The following LRRC66 variants were observed in gnomAD, a reference collection of about 807,000 sequenced individuals.
LRRC66 encodes leucine rich repeat containing 66.
LRRC66 carries 29 observed loss-of-function variants against 24.6 expected under a neutral mutation model. That is an observed-to-expected ratio of 1.18 (90% CI 0.88 to 1.61). The LOEUF is 1.61. LRRC66 is among the 40% of genes most tolerant of loss of function. The pLI, the probability that LRRC66 is intolerant of heterozygous loss-of-function variation, is 0.00. For synonymous variants in LRRC66, 411 were observed against 397.6 expected (o/e 1.03, Z -0.40); for missense variants, 1,124 against 1,058.0 (o/e 1.06, Z -0.87).
rs573555700 is a variant in LRRC66 at position 51,994,045 on chromosome 4, G to A, written c.*334C>T. ...ATTTACCCCAACCTATTGATGAAGT[G>A]CTCCTGTGTTCTCAGTGAACTGGTT... On this transcript the variant is annotated 3_prime_UTR_variant, in exon 5 of 5. Transcript: ENST00000682860. 4 of 219,882 alleles carry A rather than the reference G, an allele frequency of 1.8e-5. No individual in the cohort carries two copies. In the South Asian group the frequency reaches 4.5e-4, roughly 25 times the overall value. 13.6% of individuals were successfully genotyped at this position (219,882 alleles called of 1,614,324 possible). A position where few individuals can be genotyped will look rare whatever the true frequency, so the allele number is the denominator to read the frequency against.
rs757547718 is a variant in LRRC66, at chr4:51,994,357, A to C, written c.*22T>G. On this transcript the variant is annotated 3_prime_UTR_variant, in exon 5 of 5. Transcript: ENST00000682860. ...AAAAGAATATTGTTTAGAGCTGTGA[A>C]TATTTCCTTAATGAAAGATTCTTAT... The C allele has an allele frequency of 6.3e-6, 10 of 1,582,646 alleles. No homozygotes were observed. Among genetic ancestry groups the C allele is most frequent in the Non-Finnish European group, 8.6e-6 (10 of 1,162,806 alleles).
intron 2 of LRRC66, among the ~76,000 whole-genome samples, chr4:52,009,762 T>C (rs77074000): frequency 0.035 from 5,278 of 152,208 alleles, 316 homozygotes; most frequent in African/African-American, 0.12. Context: ...ATGAAACATT[T>C]ATGGAAGAAA....
At chr4:52,015,708 T>C (rs976987289) in intron 2 of LRRC66, among the ~76,000 whole-genome samples, 5 of 152,218 alleles carry the variant, frequency 3.3e-5, no homozygotes, top group Non-Finnish European at 4.4e-5. Context: ...TATGGATATA[T>C]GTAGCTATAA....
intron 4 of LRRC66, among the ~76,000 whole-genome samples, chr4:51,996,495 G>A (rs909925151): frequency 5.3e-5 from 8 of 151,986 alleles, no homozygotes; most frequent in Non-Finnish European, 8.8e-5. Context: ...GGCATCAAGC[G>A]ATTCTCCTCC....
In LRRC66 at chr4:51,997,813, A is replaced by G. The variant is rs752439393; in HGVS notation, c.791T>C (p.Val264Ala). Residue 264 changes from valine (V) to alanine (A), a missense_variant, in exon 4 of 5, where the codon GTC becomes GCC. Physicochemically the swap from Val to Ala is moderately conservative, Grantham distance 64. Coordinates refer to ENST00000682860, the MANE Select transcript of LRRC66 (RefSeq NM_001024611.3). ...NNWQCDDSVAVFQNFISESWR... is the reference protein window; with the variant it reads ...NNWQCDDSVAAFQNFISESWR... ...GGATTCAGAAATAAAATTTTGAAAG[A>G]CTGCCACACTATCATCACACTGCCA... 1.8e-5 allele frequency: 29 copies of G among 1,614,002 alleles called. No individual in the cohort carries two copies. Among genetic ancestry groups the G allele is most frequent in the Non-Finnish European group, 2.3e-5 (27 of 1,179,996 alleles).
rs1431212595 is a variant in LRRC66 at position 51,995,433 on chromosome 4, C to T, written c.1589G>A (p.Arg530Lys). 2 of 1,614,154 alleles carry T rather than the reference C, an allele frequency of 1.2e-6. No individual in the cohort carries two copies. The highest frequency in any genetic ancestry group is 1.7e-6 in the Non-Finnish European group (2 of 1,180,040). Residue 530 changes from arginine (R) to lysine (K), a missense_variant, in exon 5 of 5, where the codon AGG becomes AAG. Physicochemically the swap from Arg to Lys is conservative, Grantham distance 26. Transcript: ENST00000682860. ...AGTCCATTCTCCGAGAATATCATTC[C>T]TATGGATGTGGTCCTGCGCTGCTGA... ...LMSAAQDHIH[R>K]NDILGEWTYE...
intron 1 of LRRC66, chr4:52,018,001 AT>A (rs1316777742): frequency 1.0e-6 from 1 of 985,334 alleles, no homozygotes; most frequent in Non-Finnish European, 1.2e-6. Context: ...AGCAAAGTCT[AT>A]TATGCTTATC....
chr4:52,003,884 A>T (rs570768960), intron 2 of LRRC66, among the ~76,000 whole-genome samples: 1 of 152,270 alleles, frequency 6.6e-6, no homozygotes, highest in African/African-American at 2.4e-5. Flanking sequence ...AGACGTGATA[A>T]ATATTTATTT....
At chr4:52,007,272 AG>A (rs1230133090) in intron 2 of LRRC66, among the ~76,000 whole-genome samples, 1 of 152,172 alleles carries the variant, frequency 6.6e-6, no homozygotes, top group Admixed American at 6.5e-5. Flanking sequence ...TCGAACTCCT[AG>A]GCTCAAGCGA....
chr4:51,999,290 AT>A (rs1736396193), intron 3 of LRRC66, among the ~76,000 whole-genome samples: 2 of 152,362 alleles, frequency 1.3e-5, no homozygotes, highest in South Asian at 4.1e-4. Flanking sequence ...AAAAATCAGC[AT>A]TTACATTTTG....
At chr4:52,017,701 TAA>T in intron 1 of LRRC66, 83 bp from the exon 2 acceptor site, 1 of 1,401,908 alleles carries the variant, frequency 7.1e-7, no homozygotes, top group Non-Finnish European at 9.2e-7. Flanking sequence ...ATTTTCAATT[TAA>T]GATTTCGGAA....
intron 1 of LRRC66, chr4:52,018,112 C>T (rs1736861469): frequency 2.0e-6 from 2 of 985,284 alleles, no homozygotes; most frequent in South Asian, 4.7e-5. Flanking sequence ...GTTTAACTCA[C>T]AAAAGAGGCT....
In LRRC66 at chr4:52,008,989, A is replaced by C. The variant is rs569610252; in HGVS notation, c.497-5597T>G. 2.0e-5 allele frequency among the ~76,000 whole-genome samples: 3 copies of C among 152,276 alleles called. No homozygotes were observed. The South Asian group carries it at 6.2e-4, about 32-fold the overall frequency. On this transcript the variant is annotated intron_variant, in intron 2 of 4. Coordinates refer to ENST00000682860, the MANE Select transcript of LRRC66 (RefSeq NM_001024611.3). ...CACAAAGGACAGAAGAGGGGAAAAA[A>C]TGGGAGAACACCATTGTAAGGTTCT...
intron 3 of LRRC66, among the ~76,000 whole-genome samples, chr4:52,001,849 C>A (rs1736454428): frequency 6.6e-6 from 1 of 152,170 alleles, no homozygotes. Context: ...TAGCACTTTG[C>A]AGAACACTGG....
intron 1 of LRRC66, among the ~76,000 whole-genome samples, chr4:52,019,104 A>T (rs1487804084): frequency 6.6e-6 from 1 of 152,012 alleles, no homozygotes; most frequent in African/African-American, 2.4e-5. Flanking sequence ...CGAACTCCTG[A>T]CCTCAGGTGA....
intron 3 of LRRC66, among the ~76,000 whole-genome samples, chr4:52,002,890 G>C (rs1736488372): frequency 6.6e-6 from 1 of 152,184 alleles, no homozygotes; most frequent in Non-Finnish European, 1.5e-5. Flanking sequence ...TTGTAGCTTA[G>C]GGAGACAGCC....
chr4:51,998,735 G>A (rs930121879), intron 3 of LRRC66, among the ~76,000 whole-genome samples: 2 of 152,218 alleles, frequency 1.3e-5, no homozygotes, highest in African/African-American at 4.8e-5. Flanking sequence ...GACACGACAG[G>A]AGCATGACAT....
rs1173617153 is a variant in LRRC66, at chr4:51,994,354, T to G, written c.*25A>C. On this transcript the variant is annotated 3_prime_UTR_variant, in exon 5 of 5. Coordinates refer to ENST00000682860, the MANE Select transcript of LRRC66 (RefSeq NM_001024611.3). The stretch of plus-strand genomic sequence containing the variant: ...TTTAAAAGAATATTGTTTAGAGCTG[T>G]GAATATTTCCTTAATGAAAGATTCT... The G allele has an allele frequency of 1.9e-6, 3 of 1,570,280 alleles. No individual in the cohort carries two copies. The East Asian group carries it at 6.7e-5, about 35-fold the overall frequency.
At chr4:51,999,055 T>TGC (rs1352028961) in intron 3 of LRRC66, among the ~76,000 whole-genome samples, 1 of 152,192 alleles carries the variant, frequency 6.6e-6, no homozygotes, top group Non-Finnish European at 1.5e-5. Context: ...ACCCTCTTGG[T>TGC]GCCTGAGCCC....
Sources: allele counts gnomAD v4.1 joint callset (sites outside exome capture counted in the v4.1 genomes callset), GRCh38; gene constraint gnomAD v4.1.1; transcripts MANE v1.5; gene names NCBI Gene and HGNC (gene_info 2026-07-23, HGNC 2026-07-21).